MYLK4: variants seen among roughly 807,000 people sequenced by gnomAD.
MYLK4 encodes caMLCK like.
Under a neutral mutation model 48.1 loss-of-function variants are expected in MYLK4, and 46 were observed. That is an observed-to-expected ratio of 0.96 (90% CI 0.75 to 1.22). The LOEUF (loss-of-function observed/expected upper bound fraction) is 1.22, where lower values mean the gene tolerates loss of function less well. Ranked by LOEUF, MYLK4 falls within the 50% of genes most tolerant of loss-of-function variation. MYLK4 has a pLI of 0.00. For synonymous variants in MYLK4, 170 were observed against 180.8 expected (o/e 0.94, Z 0.48); for missense variants, 451 against 486.1 (o/e 0.93, Z 0.68).
At chr6:2,738,447 T>C (rs1272500490) in intron 2 of MYLK4, among the ~76,000 whole-genome samples, 1 of 152,264 alleles carries the variant, frequency 6.6e-6, no homozygotes, top group African/African-American at 2.4e-5. Context: ...CAGTGTAGTC[T>C]TTCCTAGCAG....
At chr6:2,696,968 A>C (rs1204306006) in intron 2 of MYLK4, among the ~76,000 whole-genome samples, 1 of 152,222 alleles carries the variant, frequency 6.6e-6, no homozygotes, top group African/African-American at 2.4e-5. Context: ...CTGAGGCAAG[A>C]GAATTGCTTG....
At chr6:2,766,243 C>A in the MYLK4 span, 4 of 1,489,140 alleles carry the variant, frequency 2.7e-6, no homozygotes. Flanking sequence ...GCGGGGGCCG[C>A]CCGCACCCCC....
At chr6:2,725,820 A>C (rs1763252346) in intron 2 of MYLK4, among the ~76,000 whole-genome samples, 1 of 152,232 alleles carries the variant, frequency 6.6e-6, no homozygotes, top group African/African-American at 2.4e-5. Context: ...ACATTTTTAA[A>C]AATCAAAGAA....
At chr6:2,695,914 A>G (rs1424592394) in intron 2 of MYLK4, among the ~76,000 whole-genome samples, 1 of 152,246 alleles carries the variant, frequency 6.6e-6, no homozygotes. Context: ...GCTCTTAAGC[A>G]TTAAGTTTCT....
At chr6:2,765,918 G>C in the MYLK4 span, 1 of 1,454,164 alleles carries the variant, frequency 6.9e-7, no homozygotes, top group South Asian at 1.3e-5. Context: ...GGTGAGGAGG[G>C]CGACGACGGC....
chr6:2,755,806 A>G (rs1424576601), upstream of MYLK4, among the ~76,000 whole-genome samples: 2 of 152,206 alleles, frequency 1.3e-5, no homozygotes, highest in Non-Finnish European at 2.9e-5. Context: ...AAATTGTTTC[A>G]TAAAATGTCT....
At chr6:2,753,479 C>T (rs148256058), upstream of MYLK4, among the ~76,000 whole-genome samples, 248 of 152,272 alleles carry the variant, frequency 1.6e-3, 1 homozygote, top group African/African-American at 5.8e-3. Context: ...CAAAAATCAC[C>T]ACTGAATACG....
Position 2,671,297 on chromosome 6 carries a change from T to C in MYLK4, c.*4A>G, listed in dbSNP as rs1760884509. 1 of 1,613,822 alleles carries C rather than the reference T, an allele frequency of 6.2e-7. No homozygotes were observed. Among genetic ancestry groups the C allele is most frequent in the South Asian group, 1.1e-5 (1 of 91,022 alleles). ...TAACCTTCCAAATGGCTGCCTCCTG[T>C]AGACTATTTGGTCACAAAGTCCTGG... On this transcript the variant is annotated 3_prime_UTR_variant, in exon 12 of 13. Transcript: ENST00000274643.
At chr6:2,698,308 C>T (rs558791414) in intron 2 of MYLK4, among the ~76,000 whole-genome samples, 6 of 152,202 alleles carry the variant, frequency 3.9e-5, no homozygotes, top group Non-Finnish European at 8.8e-5. Context: ...AAGTGTTGGT[C>T]TTTTCAAACC....
At chr6:2,689,763 A>G (rs1372158291) in intron 3 of MYLK4, among the ~76,000 whole-genome samples, 3 of 152,266 alleles carry the variant, frequency 2.0e-5, no homozygotes, top group African/African-American at 7.2e-5. Flanking sequence ...ATAAGAATAC[A>G]AAGGGAGGTA....
At chr6:2,697,612 C>A (rs1047986650) in intron 2 of MYLK4, among the ~76,000 whole-genome samples, 1 of 152,228 alleles carries the variant, frequency 6.6e-6, no homozygotes, top group South Asian at 2.1e-4. Context: ...AAGGGAAATT[C>A]ATTCAACTGA....
Position 2,685,877 on chromosome 6 carries a change from A to T in MYLK4, c.342-301T>A, listed in dbSNP as rs1761521643. On this transcript the variant is annotated intron_variant, in intron 4 of 12. Transcript: ENST00000274643. This position sits in a 1 kb window ranked among gnomAD's most constrained non-coding sequence, Gnocchi z 4.5. The stretch of plus-strand genomic sequence containing the variant: ...CGAGGTCAGGACCAGTCTGGCCAAC[A>T]TAGTGAAACCCCATCTCTGCTAAAA... Among the ~76,000 whole-genome samples the T allele has an allele frequency of 6.6e-6, 1 of 152,118 alleles. No homozygotes were observed. The highest frequency in any genetic ancestry group is 2.4e-5 in the African/African-American group (1 of 41,444).
At chr6:2,747,960 ATCTGAT>A (rs1296686358) in intron 2 of MYLK4, among the ~76,000 whole-genome samples, 1 of 152,196 alleles carries the variant, frequency 6.6e-6, no homozygotes, top group African/African-American at 2.4e-5. Flanking sequence ...AAATGTTTCA[ATCTGAT>A]TCATTTATTC....
intron 3 of MYLK4, among the ~76,000 whole-genome samples, chr6:2,690,404 G>A (rs1005297502): frequency 6.6e-5 from 10 of 152,202 alleles, no homozygotes; most frequent in African/African-American, 2.4e-4. Flanking sequence ...AACTTCCAGG[G>A]ATTCGTGGGG....
chr6:2,688,161 C>G (rs111488370), intron 4 of MYLK4, among the ~76,000 whole-genome samples: 4 of 151,868 alleles, frequency 2.6e-5, no homozygotes, highest in African/African-American at 9.7e-5. Flanking sequence ...CTGGTTCAAG[C>G]GATTCTCCTG....
chr6:2,688,615 G>A (rs1761651798), intron 4 of MYLK4, among the ~76,000 whole-genome samples: 1 of 151,676 alleles, frequency 6.6e-6, no homozygotes, highest in South Asian at 2.1e-4. Flanking sequence ...CTCACAATGG[G>A]TTTTTCTTTC....
Position 2,665,779 on chromosome 6 carries a change from G to A in MYLK4, c.*2146C>T, listed in dbSNP as rs919760994. 2 of 152,174 alleles carry A rather than the reference G, an allele frequency of 1.3e-5. No individual in the cohort carries two copies. Among genetic ancestry groups the A allele is most frequent in the African/African-American group, 4.8e-5 (2 of 41,412 alleles). The allele number at this position is 152,174 out of a possible 1,614,324, so 9.4% of individuals were successfully genotyped here. A position where few individuals can be genotyped will look rare whatever the true frequency, so the allele number is the denominator to read the frequency against. On this transcript the variant is annotated 3_prime_UTR_variant, in exon 13 of 13. Coordinates refer to ENST00000274643, the MANE Select transcript of MYLK4 (RefSeq NM_001012418.5). ...AAATCAGACCCCTGTGTCCTGTTTAGCATTTGAGTGAATGCCAGCTCTCTG... is the reference window on the plus strand; with the variant it reads ...AAATCAGACCCCTGTGTCCTGTTTAACATTTGAGTGAATGCCAGCTCTCTG...
At chr6:2,675,715 A>G (rs1582026833) in intron 10 of MYLK4, among the ~76,000 whole-genome samples, 1 of 152,348 alleles carries the variant, frequency 6.6e-6, no homozygotes, top group South Asian at 2.1e-4. Context: ...AGAATAATAT[A>G]GATTTACCAT....
intron 3 of MYLK4, among the ~76,000 whole-genome samples, chr6:2,690,560 T>G (rs1354882139): frequency 6.6e-6 from 1 of 152,040 alleles, no homozygotes; most frequent in Non-Finnish European, 1.5e-5. Flanking sequence ...GGACGTGAGC[T>G]CCGTGATAGA....
Sources: gnomAD v4.1 joint callset for allele counts (sites outside exome capture counted in the v4.1 genomes callset) on GRCh38, gnomAD v4.1.1 for gene constraint, Gnocchi (gnomAD v3.1) non-coding constraint, MANE v1.5 for transcripts, NCBI Gene and HGNC (gene_info 2026-07-23, HGNC 2026-07-21) for gene names.